CUX2: variants seen among roughly 807,000 people sequenced by gnomAD.
CUX2 encodes homeobox protein cut-like 2.
A neutral mutation model predicts 144.8 loss-of-function variants in CUX2; 40 were observed. That is an observed-to-expected ratio of 0.28 (90% confidence interval 0.21 to 0.36). The LOEUF (loss-of-function observed/expected upper bound fraction) is 0.36, where lower values mean the gene tolerates loss of function less well. Among genes scored for constraint, CUX2 ranks in the 10% least tolerant of loss-of-function variants. The pLI is 1.00. For missense variants in CUX2, 1,615 were observed against 1,994.0 expected (o/e 0.81, Z 3.62); for synonymous variants, 827 against 875.6 (o/e 0.94, Z 0.98).
chr12:111,160,900 G>A lies in CUX2; in HGVS notation c.64-53300G>A, dbSNP rs533675987. 7.4e-4 allele frequency among the ~76,000 whole-genome samples: 112 copies of A among 152,324 alleles called. No homozygotes were observed. The highest frequency in any genetic ancestry group is 2.6e-3 in the African/African-American group (109 of 41,562). On this transcript the variant is annotated intron_variant, in intron 1 of 21. Transcript: ENST00000261726. The surrounding 1 kb of genome is among the most constrained non-coding windows in gnomAD (Gnocchi z 4.1). ...ACTCCGTGCCGCTTCCTGCCATGGGGAAGATGCAGGGAGGAATAGCGGGAG... is the reference window on the plus strand; with the variant it reads ...ACTCCGTGCCGCTTCCTGCCATGGGAAAGATGCAGGGAGGAATAGCGGGAG...
intron 1 of CUX2, among the ~76,000 whole-genome samples, chr12:111,085,762 T>C (rs1872173810): frequency 6.6e-6 from 1 of 152,234 alleles, no homozygotes; most frequent in Non-Finnish European, 1.5e-5. Flanking sequence ...CCAGTTGTAA[T>C]TGGGTATTGG....
intron 1 of CUX2, among the ~76,000 whole-genome samples, chr12:111,135,835 A>G (rs977944027): frequency 6.6e-6 from 1 of 152,236 alleles, no homozygotes; most frequent in Admixed American, 6.5e-5. Flanking sequence ...GGAAAGGAGA[A>G]TGGGAAACAG....
At chr12:111,308,257 C>G in intron 12 of CUX2, 28 bp from the exon 13 acceptor site, 1 of 1,613,842 alleles carries the variant, frequency 6.2e-7, no homozygotes, top group Non-Finnish European at 8.5e-7. Flanking sequence ...GCTGGCTGAC[C>G]TCAGACCCTC....
At chr12:111,253,811 T>A (rs533693135) in intron 3 of CUX2, among the ~76,000 whole-genome samples, 30 of 145,318 alleles carry the variant, frequency 2.1e-4, no homozygotes, top group Non-Finnish European at 1.0e-4. Flanking sequence ...ACTGTTTTTT[T>A]AGAAACAGCC....
At chr12:111,103,164 G>T (rs1193823220) in intron 1 of CUX2, among the ~76,000 whole-genome samples, 1 of 152,150 alleles carries the variant, frequency 6.6e-6, no homozygotes, top group Admixed American at 6.5e-5. Context: ...TGAGCAAAAG[G>T]TCTGGTGTAT....
intron 8 of CUX2, among the ~76,000 whole-genome samples, chr12:111,296,938 T>G (rs529488268): frequency 6.7e-6 from 1 of 148,658 alleles, no homozygotes; most frequent in Non-Finnish European, 1.5e-5. Flanking sequence ...GCCTCCACCC[T>G]CTGGCCGTCC....
chr12:111,081,686 G>A (rs1162787059), intron 1 of CUX2, among the ~76,000 whole-genome samples: 1 of 152,236 alleles, frequency 6.6e-6, no homozygotes, highest in African/African-American at 2.4e-5. Context: ...GGACCCCAAA[G>A]AGAATAAGGA....
Position 111,178,635 on chromosome 12 carries a change from T to C in CUX2, c.64-35565T>C, listed in dbSNP as rs1878992436. On this transcript the variant is annotated intron_variant, in intron 1 of 21. Coordinates refer to ENST00000261726, the MANE Select transcript of CUX2 (RefSeq NM_015267.4). This position sits in a 1 kb window ranked among gnomAD's most constrained non-coding sequence, Gnocchi z 5.7. ...CCCCACTTTGATCAGTCAATGAATA[T>C]TTCTTAAATACCTACTATGTGCCTG... Among the ~76,000 whole-genome samples the C allele has an allele frequency of 6.6e-6, 1 of 152,188 alleles. No individual in the cohort carries two copies. The highest frequency in any genetic ancestry group is 6.5e-5 in the Admixed American group (1 of 15,278).
chr12:111,283,175 G>A (rs148714998), intron 4 of CUX2, among the ~76,000 whole-genome samples: 2 of 151,836 alleles, frequency 1.3e-5, no homozygotes, highest in South Asian at 2.1e-4. Flanking sequence ...CCAAGATCGC[G>A]CCACTGTACT....
chr12:111,306,976 C>T lies in CUX2; in HGVS notation c.914C>T (p.Ser305Phe), dbSNP rs200917097. ...CCTCGGCTGGAGGCCGCGCTGGCCT[C>T]CAAGGACAGGGAGATCCTGCGGCTG... ...SGPRLEAALA[S>F]KDREILRLLK... The change falls in exon 11 of 22, where the codon TCC (serine) becomes TTC (phenylalanine). Residue 305 changes from serine (S) to phenylalanine (F), a missense_variant. Ser to Phe is a radical substitution (Grantham distance 155). This residue lies in a region of CUX2 where 295 missense variants were observed against 400.2 expected (regional missense o/e 0.74). Coordinates refer to ENST00000261726, the MANE Select transcript of CUX2 (RefSeq NM_015267.4). The T allele has an allele frequency of 6.2e-7, 1 of 1,613,608 alleles. No homozygotes were observed. The highest frequency in any genetic ancestry group is 8.5e-7 in the Non-Finnish European group (1 of 1,179,864).
chr12:111,236,674 C>A (rs1339452932), intron 3 of CUX2, among the ~76,000 whole-genome samples: 3 of 152,004 alleles, frequency 2.0e-5, no homozygotes, highest in Admixed American at 6.6e-5. Context: ...GCCCAGAAGA[C>A]AAGAAAAAGA....
chr12:111,335,200 G>A (rs976837736), intron 19 of CUX2, among the ~76,000 whole-genome samples: 2 of 152,134 alleles, frequency 1.3e-5, no homozygotes, highest in African/African-American at 4.8e-5. Flanking sequence ...AGACCAGCCT[G>A]GCCAACATGG....
chr12:111,189,434 A>C (rs1879746896), intron 1 of CUX2, among the ~76,000 whole-genome samples: 1 of 152,228 alleles, frequency 6.6e-6, no homozygotes. Flanking sequence ...ACGTAAATGG[A>C]ATCGTACAGT....
At chr12:111,200,865 C>T (rs997262226) in intron 1 of CUX2, among the ~76,000 whole-genome samples, 4 of 152,140 alleles carry the variant, frequency 2.6e-5, no homozygotes, top group Non-Finnish European at 4.4e-5. Context: ...CTAGCCTCCG[C>T]GGGGGCATTT....
At chr12:111,136,942 C>CTTTT (rs111985672) in intron 1 of CUX2, among the ~76,000 whole-genome samples, 1 of 144,282 alleles carries the variant, frequency 6.9e-6, no homozygotes, top group African/African-American at 2.5e-5. Context: ...TTTTTTATGG[C>CTTTT]TTTTTTTTTT....
At chr12:111,253,368 C>T (rs1343501324) in intron 3 of CUX2, among the ~76,000 whole-genome samples, 1 of 151,850 alleles carries the variant, frequency 6.6e-6, no homozygotes. Flanking sequence ...ACACCAGCCT[C>T]TCTGCTGGCA....
At position 111,277,755 on chromosome 12, in the gene CUX2, ACTGGTGG is replaced by A. The variant is rs1272391865; in HGVS notation, c.302-13660_302-13654del. Among the ~76,000 whole-genome samples the A allele has an allele frequency of 1.3e-5, 2 of 152,216 alleles. No individual in the cohort carries two copies. The highest frequency in any genetic ancestry group is 4.8e-5 in the African/African-American group (2 of 41,452). On this transcript the variant is annotated intron_variant, in intron 4 of 21. Coordinates refer to ENST00000261726, the MANE Select transcript of CUX2 (RefSeq NM_015267.4). The surrounding 1 kb of genome is among the most constrained non-coding windows in gnomAD (Gnocchi z 5.0). ...AAGAAATGCTGTCAACACGTAGTGGACTGGTGGCTAAATGACGACTGCATTAGGGACT... is the reference window on the plus strand; with the variant it reads ...AAGAAATGCTGTCAACACGTAGTGGACTAAATGACGACTGCATTAGGGACT...
At chr12:111,179,023 G>C (rs762285780) in intron 1 of CUX2, among the ~76,000 whole-genome samples, 16 of 152,146 alleles carry the variant, frequency 1.1e-4, no homozygotes, top group Non-Finnish European at 2.1e-4. Context: ...AGCAGCCAAG[G>C]GGGGTTTGGA....
intron 1 of CUX2, among the ~76,000 whole-genome samples, chr12:111,070,683 A>T (rs1871224259): frequency 6.6e-6 from 1 of 152,148 alleles, no homozygotes; most frequent in African/African-American, 2.4e-5. Flanking sequence ...GGACAAGTGT[A>T]TAATGACATA....
Sources: allele counts gnomAD v4.1 joint callset (sites outside exome capture counted in the v4.1 genomes callset), GRCh38; gene constraint gnomAD v4.1.1; regional missense constraint gnomAD v4.1.1; non-coding constraint Gnocchi (gnomAD v3.1); transcripts MANE v1.5; gene names NCBI Gene and HGNC (gene_info 2026-07-23, HGNC 2026-07-21).